Variants in AMPH observed in about 807,000 individuals in gnomAD.
AMPH encodes amphiphysin.
AMPH carries 49 observed loss-of-function variants against 99.1 expected under a neutral mutation model. The observed-to-expected ratio is 0.49, with a 90% CI of 0.39 to 0.63. AMPH has a LOEUF of 0.63. Ranked by LOEUF, AMPH falls within the 20% of genes least tolerant of loss-of-function variation. The probability of loss-of-function intolerance (pLI) is 0.00; values close to 1 mark genes in which losing one functional copy is unlikely to be tolerated. For missense variants in AMPH, 759 were observed against 863.4 expected (o/e 0.88, Z 1.52); for synonymous variants, 314 against 317.3 (o/e 0.99, Z 0.11).
rs199995985 is a variant in AMPH, at chr7:38,417,789, G to A, written c.1398+36C>T. 1.1e-5 allele frequency: 18 copies of A among 1,610,012 alleles called. No homozygotes were observed. In the Middle Eastern group the frequency reaches 6.7e-4, roughly 60 times the overall value. On this transcript the variant is annotated intron_variant, in intron 17 of 20. Transcript: ENST00000356264. ...ATGAGATGAGCATGGCTGTGGCAGC[G>A]AGGCAGATGGAGGGTGAGAGGGAGG... is the stretch of plus-strand genomic sequence containing the variant.
At chr7:38,405,247 T>C (rs1192819344) in intron 17 of AMPH, among the ~76,000 whole-genome samples, 1 of 152,158 alleles carries the variant, frequency 6.6e-6, no homozygotes. Flanking sequence ...GATACCACCA[T>C]AAAAGCACAC....
At chr7:38,624,746 C>T (rs1346751510) in intron 1 of AMPH, among the ~76,000 whole-genome samples, 1 of 152,026 alleles carries the variant, frequency 6.6e-6, no homozygotes, top group Middle Eastern at 3.2e-3. Context: ...TTTCGTTAAA[C>T]ATGGCAGGCT....
chr7:38,476,182 T>C (rs1168010475), intron 6 of AMPH, among the ~76,000 whole-genome samples: 1 of 152,210 alleles, frequency 6.6e-6, no homozygotes, highest in East Asian at 1.9e-4. Context: ...TGAAAGTTGA[T>C]CAGGATGGAC....
At chr7:38,577,279 A>ATCGCCTTACTCCCATGACC (rs1282149017) in intron 1 of AMPH, among the ~76,000 whole-genome samples, 2 of 152,164 alleles carry the variant, frequency 1.3e-5, no homozygotes, top group Admixed American at 1.3e-4. Flanking sequence ...AGTGGAGTAA[A>ATCGCCTTACTCCCATGACC]TCGCCTTACT....
chr7:38,554,075 C>G (rs12534972), intron 1 of AMPH, among the ~76,000 whole-genome samples: 1,924 of 152,288 alleles, frequency 0.013, 47 homozygotes, highest in Admixed American at 0.04. Context: ...CCACACTCCT[C>G]CAATTCCCCT....
At chr7:38,407,330 G>A (rs1393643095) in intron 17 of AMPH, among the ~76,000 whole-genome samples, 2 of 50,394 alleles carry the variant, frequency 4.0e-5, no homozygotes, top group South Asian at 1.1e-3. Context: ...AATCTATTAG[G>A]GAAAATCTCT....
At position 38,561,992 on chromosome 7, in the gene AMPH, C is replaced by T. The variant is rs556940920; in HGVS notation, c.70-26981G>A. On this transcript the variant is annotated intron_variant, in intron 1 of 20. Coordinates refer to ENST00000356264, the MANE Select transcript of AMPH (RefSeq NM_001635.4). ...GTTTTTTTTTTTTTGTTATGGCAGC[C>T]GAGGCTGACTAAGACAGAAGACTTT... Among the ~76,000 whole-genome samples, 214 of 149,622 alleles carry T rather than the reference C, an allele frequency of 1.4e-3. 1 individual carries two copies. Among genetic ancestry groups the T allele is most frequent in the African/African-American group, 5.0e-3 (203 of 40,546 alleles).
intron 12 of AMPH, 34 bp from the exon 13 acceptor site, chr7:38,432,246 T>C: frequency 6.3e-7 from 1 of 1,593,360 alleles, no homozygotes; most frequent in Non-Finnish European, 8.6e-7. Flanking sequence ...CTGTTAGTTA[T>C]ACAAATCTAA....
intron 1 of AMPH, among the ~76,000 whole-genome samples, chr7:38,563,806 C>T (rs1212391478): frequency 6.6e-6 from 1 of 152,202 alleles, no homozygotes; most frequent in East Asian, 1.9e-4. Flanking sequence ...CCAGCAAACA[C>T]CACCATTAGC....
rs145638078 is a variant in AMPH at position 38,549,629 on chromosome 7, A to G, written c.70-14618T>C. On this transcript the variant is annotated intron_variant, in intron 1 of 20. Transcript: ENST00000356264. The stretch of plus-strand genomic sequence containing the variant: ...TAGTAAAACTAAACAACCACAAACA[A>G]CTAACTTCCTATGAGCCTTATTTCA... Among the ~76,000 whole-genome samples, 91 of 152,294 alleles carry G rather than the reference A, an allele frequency of 6.0e-4. 1 individual carries two copies. In the East Asian group the frequency reaches 0.016, roughly 27 times the overall value.
intron 1 of AMPH, among the ~76,000 whole-genome samples, chr7:38,628,002 C>G (rs1203199922): frequency 6.6e-6 from 1 of 152,056 alleles, no homozygotes. Context: ...CATAAAACAT[C>G]AACAAAAACA....
At chr7:38,432,678 G>C (rs913531833) in intron 12 of AMPH, among the ~76,000 whole-genome samples, 1 of 151,852 alleles carries the variant, frequency 6.6e-6, no homozygotes, top group Non-Finnish European at 1.5e-5. Flanking sequence ...TCACATCTTT[G>C]AGGAAATGCA....
chr7:38,426,965 C>T lies in AMPH; in HGVS notation c.1204G>A (p.Gly402Arg). The T allele has an allele frequency of 6.2e-7, 1 of 1,612,834 alleles. No individual in the cohort carries two copies. Among genetic ancestry groups the T allele is most frequent in the Non-Finnish European group, 8.5e-7 (1 of 1,179,234 alleles). ...AACAGATTCCTTACCTGTGTGAATC[C>T]ATTAAATGAACCACCAGAAGCCTAA... ...VQPASGGSFN[G>R]FTQPQDTSLF... Residue 402 changes from glycine to arginine, a missense_variant, in exon 15 of 21, where the codon GGA becomes AGA. By Grantham distance (125) the Gly-to-Arg change is moderately radical. This residue lies in a region of AMPH where 554 missense variants were observed against 575.6 expected (regional missense o/e 0.96). Coordinates refer to ENST00000356264, the MANE Select transcript of AMPH (RefSeq NM_001635.4).
At position 38,408,163 on chromosome 7, in the gene AMPH, G is replaced by C. The variant is rs532218203; in HGVS notation, c.1398+9662C>G. 2.0e-5 allele frequency among the ~76,000 whole-genome samples: 3 copies of C among 152,234 alleles called. No individual in the cohort carries two copies. In the East Asian group the frequency reaches 5.8e-4, roughly 29 times the overall value. On this transcript the variant is annotated intron_variant, in intron 17 of 20. Coordinates refer to ENST00000356264, the MANE Select transcript of AMPH (RefSeq NM_001635.4). The stretch of plus-strand genomic sequence containing the variant: ...TTTTCTCACACCATCCCATAACCAA[G>C]AAGACCACACATCTCTCAAGTAAGG...
intron 18 of AMPH, among the ~76,000 whole-genome samples, chr7:38,392,377 C>CTTTTTTTTTTTTTTTT (rs574057389): frequency 2.4e-5 from 1 of 42,048 alleles, no homozygotes; most frequent in Non-Finnish European, 4.0e-5. Context: ...CGGCCTGGTT[C>CTTTTTTTTTTTTTTTT]TTTTTTTTTT....
At chr7:38,459,160 A>T (rs990528405) in intron 11 of AMPH, among the ~76,000 whole-genome samples, 2 of 152,126 alleles carry the variant, frequency 1.3e-5, no homozygotes, top group African/African-American at 2.4e-5. Flanking sequence ...CCTAGGAAGA[A>T]ATTTAGCCAA....
chr7:38,501,223 C>T (rs928950715), intron 3 of AMPH, among the ~76,000 whole-genome samples: 4 of 152,148 alleles, frequency 2.6e-5, no homozygotes, highest in Non-Finnish European at 5.9e-5. Flanking sequence ...CAGGGTCTCA[C>T]TCTTTCACCC....
At chr7:38,521,297 G>A (rs1485627225) in intron 2 of AMPH, among the ~76,000 whole-genome samples, 1 of 152,170 alleles carries the variant, frequency 6.6e-6, no homozygotes, top group African/African-American at 2.4e-5. Flanking sequence ...AAGGCAGGTC[G>A]AATCAGTTAA....
At chr7:38,593,423 A>G (rs1262009524) in intron 1 of AMPH, among the ~76,000 whole-genome samples, 2 of 152,254 alleles carry the variant, frequency 1.3e-5, no homozygotes, top group Non-Finnish European at 2.9e-5. Flanking sequence ...GCCCGGCTGA[A>G]TTAACAGAGG....
Sources: gnomAD v4.1 joint callset for allele counts (sites outside exome capture counted in the v4.1 genomes callset) on GRCh38, gnomAD v4.1.1 for gene constraint, gnomAD v4.1.1 regional missense constraint, MANE v1.5 for transcripts, NCBI Gene and HGNC (gene_info 2026-07-23, HGNC 2026-07-21) for gene names.